PAIP1: variants seen among roughly 807,000 people sequenced by gnomAD.
PAIP1 encodes the protein polyadenylate-binding protein-interacting protein 1.
In PAIP1, 16 loss-of-function variants were observed where a neutral mutation model predicts 61.3. The ratio of observed to expected loss-of-function variants is 0.26; its 90% CI spans 0.18 to 0.40. PAIP1 has a LOEUF of 0.40. PAIP1 is among the 10% of genes least tolerant of loss of function. The pLI is 1.00. For missense variants in PAIP1, 416 were observed against 600.9 expected, an observed-to-expected ratio of 0.69 and a Z score of 3.22; for synonymous variants, 187 against 226.2, an observed-to-expected ratio of 0.83 and a Z score of 1.56.
chr5:43,549,249 G>A (rs1747765384), intron 2 of PAIP1, among the ~76,000 whole-genome samples: 1 of 152,160 alleles, frequency 6.6e-6, no homozygotes, highest in Admixed American at 6.5e-5. Flanking sequence ...CACAGTCTTA[G>A]GAGAAAGACC....
At chr5:43,528,722 T>C (rs560852453) in intron 10 of PAIP1, among the ~76,000 whole-genome samples, 1 of 151,900 alleles carries the variant, frequency 6.6e-6, no homozygotes, top group South Asian at 2.1e-4. Flanking sequence ...TTTAAAAAAA[T>C]CTACAACACA....
At chr5:43,544,069 G>C (rs754073616) in intron 3 of PAIP1, among the ~76,000 whole-genome samples, 2 of 149,422 alleles carry the variant, frequency 1.3e-5, no homozygotes, top group Non-Finnish European at 3.0e-5. Flanking sequence ...CTTGAGTGTA[G>C]GAGTTCAAGG....
intron 10 of PAIP1, 23 bp downstream of exon 10, chr5:43,529,763 G>A (rs1330819814): frequency 1.7e-6 from 2 of 1,186,742 alleles, no homozygotes; most frequent in East Asian, 2.3e-5. Flanking sequence ...ATTTCACGAA[G>A]TTAGTAACTG....
chr5:43,553,382 T>C (rs1041181737), intron 2 of PAIP1, among the ~76,000 whole-genome samples: 2 of 152,160 alleles, frequency 1.3e-5, no homozygotes, highest in Non-Finnish European at 2.9e-5. Context: ...TAGATTTTCA[T>C]GTGTAGAACA....
At chr5:43,530,010 T>A in intron 9 of PAIP1, 131 bp from the exon 10 acceptor site, 1 of 607,032 alleles carries the variant, frequency 1.6e-6, no homozygotes, top group Non-Finnish European at 2.9e-6. Flanking sequence ...AGTAATTACA[T>A]ATAGTACTAT....
chr5:43,543,194 G>A (rs1747485592), intron 3 of PAIP1, 78 bp from the exon 4 acceptor site: 2 of 646,932 alleles, frequency 3.1e-6, no homozygotes, highest in Admixed American at 2.8e-5. Flanking sequence ...ACATTCTAAA[G>A]AAGAAAAAAT....
At chr5:43,531,985 A>T (rs910830951) in intron 9 of PAIP1, among the ~76,000 whole-genome samples, 1 of 152,156 alleles carries the variant, frequency 6.6e-6, no homozygotes, top group Non-Finnish European at 1.5e-5. Context: ...ATTTGAACAA[A>T]ATGCAGAAAC....
At chr5:43,544,321 A>G (rs1214524217) in intron 3 of PAIP1, among the ~76,000 whole-genome samples, 1 of 152,128 alleles carries the variant, frequency 6.6e-6, no homozygotes. Context: ...TATATGTCAC[A>G]TTAAGGGAGA....
intron 2 of PAIP1, among the ~76,000 whole-genome samples, chr5:43,553,410 T>C (rs1747940176): frequency 6.6e-6 from 1 of 152,174 alleles, no homozygotes; most frequent in Non-Finnish European, 1.5e-5. Flanking sequence ...ATTCAATAAA[T>C]GTCTGCAAAC....
chr5:43,534,017 T>C (rs1278457183), intron 8 of PAIP1, among the ~76,000 whole-genome samples: 1 of 152,192 alleles, frequency 6.6e-6, no homozygotes, highest in African/African-American at 2.4e-5. Flanking sequence ...GTGCTGTCTA[T>C]TGTCTTTCAG....
chr5:43,556,854 C>A lies in PAIP1; in HGVS notation c.-8G>T. The A allele has an allele frequency of 7.1e-7, 1 of 1,408,828 alleles. No individual in the cohort carries two copies. 87.3% of individuals were successfully genotyped at this position (1,408,828 alleles called of 1,614,324 possible). ...ATCGAAACCGTCCGACATGCTCCTC[C>A]TCCTCCGCCTCCTCCTCCAGGGGCC... is the stretch of plus-strand genomic sequence containing the variant. On this transcript the variant is annotated 5_prime_UTR_variant, in exon 1 of 11. The change creates a new upstream start codon in the 5' untranslated region. Transcript: ENST00000306846.
intron 10 of PAIP1, among the ~76,000 whole-genome samples, chr5:43,529,578 G>A (rs1456738711): frequency 6.6e-6 from 1 of 152,194 alleles, no homozygotes; most frequent in African/African-American, 2.4e-5. Context: ...TTTTAGTAGA[G>A]ACAGGGTTTC....
chr5:43,535,124 TA>T (rs202068261), intron 7 of PAIP1, among the ~76,000 whole-genome samples, 154 bp from the exon 8 acceptor site: 20 of 150,014 alleles, frequency 1.3e-4, no homozygotes, highest in East Asian at 3.9e-4. Context: ...TAAATTCATT[TA>T]AAAAAAAAAT....
chr5:43,545,805 C>G (rs1180622030), intron 3 of PAIP1, among the ~76,000 whole-genome samples: 1 of 150,250 alleles, frequency 6.7e-6, no homozygotes, highest in East Asian at 1.9e-4. Flanking sequence ...GAGTTTCGCT[C>G]GTTGCCCAAG....
At chr5:43,530,132 G>A (rs1418919273) in intron 9 of PAIP1, among the ~76,000 whole-genome samples, 1 of 152,124 alleles carries the variant, frequency 6.6e-6, no homozygotes, top group Non-Finnish European at 1.5e-5. Flanking sequence ...TATAACTGTT[G>A]GGGAAGAACA....
At chr5:43,554,990 A>G (rs1579931374) in intron 2 of PAIP1, among the ~76,000 whole-genome samples, 1 of 152,228 alleles carries the variant, frequency 6.6e-6, no homozygotes, top group Non-Finnish European at 1.5e-5. Context: ...ATATGCTACA[A>G]TATGGAGTAA....
chr5:43,553,732 G>A (rs570323662), intron 2 of PAIP1, among the ~76,000 whole-genome samples: 37 of 152,212 alleles, frequency 2.4e-4, no homozygotes, highest in African/African-American at 8.7e-4. Flanking sequence ...ACCAGAACAG[G>A]GGTAGTAAGC....
intron 9 of PAIP1, among the ~76,000 whole-genome samples, chr5:43,530,910 G>A (rs1010734322): frequency 6.6e-6 from 1 of 152,048 alleles, no homozygotes; most frequent in African/African-American, 2.4e-5. Flanking sequence ...CAAGGTCTTG[G>A]GCCCCATGTG....
intron 5 of PAIP1, 97 bp downstream of exon 5, chr5:43,538,825 CTT>C (rs774115099): frequency 1.4e-6 from 1 of 703,074 alleles, no homozygotes; most frequent in East Asian, 2.5e-5. Flanking sequence ...TCATTTCACT[CTT>C]AATGTTGTAA....
Sources: allele counts gnomAD v4.1 joint callset (sites outside exome capture counted in the v4.1 genomes callset), GRCh38; gene constraint gnomAD v4.1.1; transcripts MANE v1.5; gene names NCBI Gene and HGNC (gene_info 2026-07-23, HGNC 2026-07-21).